Variants in NUP155 observed in about 807,000 individuals in gnomAD.
NUP155 encodes the protein nuclear pore complex protein Nup155.
NUP155 carries 71 observed loss-of-function variants against 180.4 expected under a neutral mutation model. That is an observed-to-expected ratio of 0.39 (90% confidence interval 0.33 to 0.48). The LOEUF is 0.48. Among genes scored for constraint, NUP155 ranks in the 20% least tolerant of loss-of-function variants. The pLI, the probability that NUP155 is intolerant of heterozygous loss-of-function variation, is 0.91. For synonymous variants in NUP155, 582 were observed against 559.5 expected (o/e 1.04, Z -0.57); for missense variants, 1,553 against 1,648.9 (o/e 0.94, Z 1.01).
chr5:37,294,546 T>A lies in NUP155; in HGVS notation c.3794-81A>T, dbSNP rs1742417083. 17 of 1,354,480 alleles carry A rather than the reference T, an allele frequency of 1.3e-5. No individual in the cohort carries two copies. The South Asian group carries it at 1.9e-4, about 15-fold the overall frequency. The allele number at this position is 1,354,480 out of a possible 1,614,324, so 83.9% of individuals were successfully genotyped here. On this transcript the variant is annotated intron_variant, in intron 32 of 34. Transcript: ENST00000231498. ...GTAGGTCTTATTCATAACTGAATAG[T>A]TTCTAGGGGGATATCTTCTGAAATC...
intron 20 of NUP155, among the ~76,000 whole-genome samples, chr5:37,318,839 C>A (rs1453128474): frequency 1.3e-5 from 2 of 151,856 alleles, no homozygotes; most frequent in African/African-American, 4.8e-5. Flanking sequence ...AAGAAAAAAA[C>A]ACAAAAAAAT....
At chr5:37,339,609 C>A (rs1361649057) in intron 11 of NUP155, among the ~76,000 whole-genome samples, 1 of 152,110 alleles carries the variant, frequency 6.6e-6, no homozygotes, top group Non-Finnish European at 1.5e-5. Flanking sequence ...GCCTGGGCAA[C>A]AGAGTGAGAA....
intron 9 of NUP155, among the ~76,000 whole-genome samples, chr5:37,343,410 G>T (rs1319665950): frequency 6.6e-6 from 1 of 152,132 alleles, no homozygotes; most frequent in Non-Finnish European, 1.5e-5. Context: ...TTTAAGACTA[G>T]CTTCTTAGGA....
chr5:37,360,737 G>A (rs1042924457), intron 3 of NUP155, among the ~76,000 whole-genome samples: 8 of 142,562 alleles, frequency 5.6e-5, no homozygotes, highest in African/African-American at 2.1e-4. Context: ...AGTGAGCCGA[G>A]ATCATGCCAC....
intron 23 of NUP155, 31 bp downstream of exon 23, chr5:37,310,521 A>G: frequency 6.4e-7 from 1 of 1,566,656 alleles, no homozygotes; most frequent in East Asian, 2.2e-5. Context: ...CTCTTATAAC[A>G]AACAATGAAA....
chr5:37,327,764 G>C lies in NUP155; in HGVS notation c.1889C>G (p.Pro630Arg), dbSNP rs1432177238. The C allele has an allele frequency of 6.2e-7, 1 of 1,613,956 alleles. No individual in the cohort carries two copies. Among genetic ancestry groups the C allele is most frequent in the Non-Finnish European group, 8.5e-7 (1 of 1,179,996 alleles). ...LGTPSHGIQP[P>R]AMSTPVCALG... ...AGCACACACTGGAGTTGACATGGCA[G>C]GAGGCTGTATACCTTGTACACACAT... The change falls in exon 18 of 35, where the codon CCT (proline) becomes CGT (arginine). Residue 630 changes from proline to arginine, a missense_variant. Transcript: ENST00000231498.
Position 37,303,322 on chromosome 5 carries a change from G to A in NUP155, c.3255C>T (p.Tyr1085=), listed in dbSNP as rs761837715. The change falls in exon 28 of 35, where the codon TAC becomes TAT. Residue 1085 remains tyrosine (Y), a synonymous_variant. Transcript: ENST00000231498. The stretch of plus-strand genomic sequence containing the variant: ...CATTACTGAAACTTCTGTTCTTCTC[G>A]TAATACCGCCAGAGTAAATCCATAT... ...VRYMDLLWRY[Y]EKNRSFSNAA... is the part of the protein sequence containing the mutation. 21 of 1,613,962 alleles carry A rather than the reference G, an allele frequency of 1.3e-5. No individual in the cohort carries two copies. The highest frequency in any genetic ancestry group is 4.0e-5 in the African/African-American group (3 of 74,906).
At chr5:37,347,257 T>C (rs1746152685) in intron 9 of NUP155, among the ~76,000 whole-genome samples, 1 of 150,734 alleles carries the variant, frequency 6.6e-6, no homozygotes, top group East Asian at 2.0e-4. Context: ...ACCGAAAGAG[T>C]GAATAGTTAA....
At chr5:37,335,380 G>GAAA (rs5867345) in intron 12 of NUP155, among the ~76,000 whole-genome samples, 5 of 116,626 alleles carry the variant, frequency 4.3e-5, no homozygotes, top group African/African-American at 1.8e-4. Flanking sequence ...CCCTGTCTCA[G>GAAA]AAAAAAAAAA....
chr5:37,362,280 AT>A (rs991745345), intron 3 of NUP155, among the ~76,000 whole-genome samples: 1 of 151,982 alleles, frequency 6.6e-6, no homozygotes, highest in East Asian at 1.9e-4. Context: ...AATGTAAAAA[AT>A]TTCATTAGTG....
At chr5:37,309,012 T>C in intron 24 of NUP155, 117 bp downstream of exon 24, 3 of 1,039,226 alleles carry the variant, frequency 2.9e-6, no homozygotes, top group East Asian at 2.4e-5. Context: ...CGGCCTCTGA[T>C]GCTGAAAGAA....
At chr5:37,342,684 G>T in intron 9 of NUP155, 38 bp from the exon 10 acceptor site, 1 of 1,229,484 alleles carries the variant, frequency 8.1e-7, no homozygotes, top group Non-Finnish European at 1.2e-6. Flanking sequence ...TTTTTAAAAT[G>T]TGTCTGCTAA....
chr5:37,315,794 T>A (rs1743846446), intron 21 of NUP155, among the ~76,000 whole-genome samples: 1 of 151,896 alleles, frequency 6.6e-6, no homozygotes, highest in South Asian at 2.1e-4. Flanking sequence ...AATAAAAAAA[T>A]TAGCTGGGTG....
At chr5:37,327,350 G>A (rs990083567) in intron 18 of NUP155, among the ~76,000 whole-genome samples, 11 of 152,326 alleles carry the variant, frequency 7.2e-5, no homozygotes, top group Non-Finnish European at 1.3e-4. Flanking sequence ...CATGAAGGTT[G>A]AGGAATGGTG....
At chr5:37,351,493 G>A (rs1746455256) in intron 5 of NUP155, 137 bp from the exon 6 acceptor site, 1 of 617,238 alleles carries the variant, frequency 1.6e-6, no homozygotes, top group Non-Finnish European at 2.8e-6. Flanking sequence ...TGTCACCCAG[G>A]CTGGGTGCAG....
chr5:37,347,081 C>T (rs901337979), intron 9 of NUP155, among the ~76,000 whole-genome samples: 1 of 151,866 alleles, frequency 6.6e-6, no homozygotes. Flanking sequence ...TAGAAAAATT[C>T]GCCAGGTGTG....
chr5:37,320,660 ATGAG>A (rs1744188909), intron 20 of NUP155, among the ~76,000 whole-genome samples: 1 of 152,230 alleles, frequency 6.6e-6, no homozygotes, highest in Admixed American at 6.5e-5. Flanking sequence ...GTAAAGATAA[ATGAG>A]TAATTAAGAG....
chr5:37,327,339 A>G (rs1744668560), intron 18 of NUP155: 1 of 391,060 alleles, frequency 2.6e-6, no homozygotes, highest in South Asian at 2.4e-5. Flanking sequence ...ATTTTTGACT[A>G]CATGAAGGTT....
At chr5:37,365,750 T>TACACAC (rs779074448) in intron 1 of NUP155, among the ~76,000 whole-genome samples, 1 of 49,272 alleles carries the variant, frequency 2.0e-5, no homozygotes, top group Admixed American at 2.6e-4. Flanking sequence ...TATATATATA[T>TACACAC]ATACACACAC....
Sources: gnomAD v4.1 joint callset for allele counts (sites outside exome capture counted in the v4.1 genomes callset) on GRCh38, gnomAD v4.1.1 for gene constraint, MANE v1.5 for transcripts, NCBI Gene and HGNC (gene_info 2026-07-23, HGNC 2026-07-21) for gene names.